Variants in TLX3 observed in about 807,000 individuals in gnomAD.
TLX3 encodes T-cell leukemia homeobox protein 3.
A neutral mutation model predicts 19.6 loss-of-function variants in TLX3; 11 were observed. That is an observed-to-expected ratio of 0.56 (90% CI 0.35 to 0.93). The LOEUF (loss-of-function observed/expected upper bound fraction) is 0.93. TLX3 is among the 40% of genes least tolerant of loss of function. The pLI, the probability that TLX3 is intolerant of heterozygous loss-of-function variation, is 0.01. For synonymous variants in TLX3, 221 were observed against 188.1 expected (o/e 1.17, Z -1.43); for missense variants, 375 against 418.6 (o/e 0.90, Z 0.91).
Position 171,311,330 on chromosome 5 carries a change from CG to C in TLX3, c.666-57del. ...GCTCCCGGGAGGGCCGGGGCCCCGC[CG>C]GCGGCCCCGCGGTGCCGGGTGCATG... On this transcript the variant is annotated intron_variant, in intron 2 of 2. Coordinates refer to ENST00000296921, the MANE Select transcript of TLX3 (RefSeq NM_021025.4). This position sits in a 1 kb window ranked among gnomAD's most constrained non-coding sequence, Gnocchi z 5.1. 6.8e-7 allele frequency: 1 copy of C among 1,470,392 alleles called. No individual in the cohort carries two copies. The highest frequency in any genetic ancestry group is 1.3e-5 in the South Asian group (1 of 74,718). 91.1% of individuals were successfully genotyped at this position (1,470,392 alleles called of 1,614,324 possible).
rs180917240 is a variant in TLX3, at chr5:171,310,854, C to G, written c.665+461C>G. Among the ~76,000 whole-genome samples the G allele has an allele frequency of 7.1e-3, 1,083 of 152,172 alleles. 14 individuals carry two copies. The highest frequency in any genetic ancestry group is 0.024 in the African/African-American group (980 of 41,552). ...TCGTGGACGCCGGTTTCCTCTCCCC[C>G]CATCTCCGCGTCTCCATTCCAGCCG... is the stretch of plus-strand genomic sequence containing the variant. On this transcript the variant is annotated intron_variant, in intron 2 of 2. Transcript: ENST00000296921.
chr5:171,311,814 C>T lies in TLX3; in HGVS notation c.*215C>T, dbSNP rs896171799. 1.1e-5 allele frequency: 4 copies of T among 378,924 alleles called. No individual in the cohort carries two copies. The highest frequency in any genetic ancestry group is 6.4e-5 in the African/African-American group (3 of 47,070). 23.5% of individuals were successfully genotyped at this position (378,924 alleles called of 1,614,324 possible). On this transcript the variant is annotated 3_prime_UTR_variant, in exon 3 of 3. Transcript: ENST00000296921. The surrounding 1 kb of genome is among the most constrained non-coding windows in gnomAD (Gnocchi z 5.1). Reference sequence around the variant, plus strand: ...ACAATCCGAGCCCCCGCCCCGCGCCCCGTCCCGCCCCAGGCCCGGGCCTGA... The same window carrying T: ...ACAATCCGAGCCCCCGCCCCGCGCCTCGTCCCGCCCCAGGCCCGGGCCTGA...
rs763478591 is a variant in TLX3, at chr5:171,309,762, C to G, written c.397C>G (p.Arg133Gly). Residue 133 changes from arginine (R) to glycine (G), a missense_variant, in exon 1 of 3, where the codon CGC becomes GGC. Coordinates refer to ENST00000296921, the MANE Select transcript of TLX3 (RefSeq NM_021025.4). The stretch of plus-strand genomic sequence containing the variant: ...TTTCCCCTGGATGGAGAGCAGCCGC[C>G]GCTTCGTGAAAGACCGCTTCACAGG... ...LNFPWMESSR[R>G]FVKDRFTAAA... 1.2e-6 allele frequency: 2 copies of G among 1,606,556 alleles called. No homozygotes were observed. Among genetic ancestry groups the G allele is most frequent in the Non-Finnish European group, 1.7e-6 (2 of 1,176,836 alleles).
rs942866019 is a variant in TLX3, at chr5:171,311,771, C to G, written c.*172C>G. ...GCGGGCCGCGGAAGGGGGTAGGGCC[C>G]GAGCTCCGCGCGGCCGCACAATCCG... On this transcript the variant is annotated 3_prime_UTR_variant, in exon 3 of 3. Coordinates refer to ENST00000296921, the MANE Select transcript of TLX3 (RefSeq NM_021025.4). This position sits in a 1 kb window ranked among gnomAD's most constrained non-coding sequence, Gnocchi z 5.1. 9 of 445,078 alleles carry G rather than the reference C, an allele frequency of 2.0e-5. No individual in the cohort carries two copies. The highest frequency in any genetic ancestry group is 3.1e-5 in the Non-Finnish European group (8 of 257,578). 27.6% of individuals were successfully genotyped at this position (445,078 alleles called of 1,614,324 possible). A position where few individuals can be genotyped will look rare whatever the true frequency, so the allele number is the denominator to read the frequency against.
Position 171,309,723 on chromosome 5 carries a change from C to G in TLX3, c.358C>G (p.Leu120Val). ...GCCCTCCGTGCCCACGGTCTCCAGC[C>G]TTGGCGGTCTCAATTTCCCCTGGAT... Reference protein sequence around the residue: ...AMPSVPTVSSLGGLNFPWMES... With the variant: ...AMPSVPTVSSVGGLNFPWMES... The change falls in exon 1 of 3, where the codon CTT (leucine) becomes GTT (valine). Residue 120 changes from leucine (L) to valine (V), a missense_variant. Transcript: ENST00000296921. 7 of 1,611,228 alleles carry G rather than the reference C, an allele frequency of 4.3e-6. No homozygotes were observed. The highest frequency in any genetic ancestry group is 5.9e-6 in the Non-Finnish European group (7 of 1,179,252).
chr5:171,309,327 T>TGCCCCCCCC lies in TLX3; in HGVS notation c.-39_-38insGCCCCCCCC. On this transcript the variant is annotated 5_prime_UTR_variant, in exon 1 of 3. Transcript: ENST00000296921. Reference sequence around the variant, plus strand: ...GCGCCGTAACGGGGACCCAGCCGCCTCCCCGCCCAGCCCAGCCCAGCCCTT... The same window carrying TGCCCCCCCC: ...GCGCCGTAACGGGGACCCAGCCGCCTGCCCCCCCCCCCCGCCCAGCCCAGCCCAGCCCTT... 22 of 976,976 alleles carry TGCCCCCCCC rather than the reference T, an allele frequency of 2.3e-5. No individual in the cohort carries two copies. Among genetic ancestry groups the TGCCCCCCCC allele is most frequent in the East Asian group, 5.6e-5 (2 of 35,738 alleles). The allele number at this position is 976,976 out of a possible 1,614,324, so 60.5% of individuals were successfully genotyped here. A position where few individuals can be genotyped will look rare whatever the true frequency, so the allele number is the denominator to read the frequency against.
intron 2 of TLX3, among the ~76,000 whole-genome samples, chr5:171,310,734 A>C (rs760125651): frequency 1.0e-5 from 1 of 99,548 alleles, no homozygotes; most frequent in African/African-American, 5.0e-5. Context: ...ACACACAGGC[A>C]CACACACACA....
Position 171,311,609 on chromosome 5 carries a change from C to T in TLX3, c.*10C>T. On this transcript the variant is annotated 3_prime_UTR_variant, in exon 3 of 3. Coordinates refer to ENST00000296921, the MANE Select transcript of TLX3 (RefSeq NM_021025.4). The surrounding 1 kb of genome is among the most constrained non-coding windows in gnomAD (Gnocchi z 5.1). ...CACCTCCCTGGTGTGAGCCCACCAG[C>T]GCGCACCGTCGCCACGGATCGCCGC... The T allele has an allele frequency of 6.3e-7, 1 of 1,590,252 alleles. No individual in the cohort carries two copies. The highest frequency in any genetic ancestry group is 8.6e-7 in the Non-Finnish European group (1 of 1,166,746).
chr5:171,309,670 C>G lies in TLX3; in HGVS notation c.305C>G (p.Pro102Arg), dbSNP rs1769185899. ...AGGCCGCTGCCCGGGGCCGTGCCAC[C>G]GCCTCTGCCAAGCGCGCTACCCGCC... The part of the protein sequence containing the change: ...AHRPLPGAVP[P>R]PLPSALPAMP... The change falls in exon 1 of 3, where the codon CCG becomes CGG. Residue 102 changes from proline to arginine, a missense_variant. This residue lies in a region of TLX3 where 239 missense variants were observed against 217.0 expected (regional missense o/e 1.10). Transcript: ENST00000296921. 1.2e-6 allele frequency: 2 copies of G among 1,608,810 alleles called. No homozygotes were observed. Among genetic ancestry groups the G allele is most frequent in the Admixed American group, 1.7e-5 (1 of 59,680 alleles).
chr5:171,310,461 C>T (rs1487829640), intron 2 of TLX3, 68 bp downstream of exon 2: 6 of 1,572,584 alleles, frequency 3.8e-6, no homozygotes, highest in Admixed American at 3.5e-5. Context: ...GCCGCAGCCT[C>T]GCACTAGCCC....
Position 171,309,442 on chromosome 5 carries a change from G to A in TLX3, c.77G>A (p.Ser26Asn), listed in dbSNP as rs1581210093. 3 of 1,604,924 alleles carry A rather than the reference G, an allele frequency of 1.9e-6. No individual in the cohort carries two copies. The highest frequency in any genetic ancestry group is 2.6e-6 in the Non-Finnish European group (3 of 1,176,176). The change falls in exon 1 of 3, where the codon AGC becomes AAC. Residue 26 changes from serine to asparagine, a missense_variant. Physicochemically the swap from Ser to Asn is conservative, Grantham distance 46 (BLOSUM62 1). This residue lies in a region of TLX3 where 239 missense variants were observed against 217.0 expected (regional missense o/e 1.10). Coordinates refer to ENST00000296921, the MANE Select transcript of TLX3 (RefSeq NM_021025.4). ...TTCGGCATCGACCAGATCCTTAACA[G>A]CCCGGACCAGGACAGCGCACCCGCC... is the stretch of plus-strand genomic sequence containing the variant. ...ISFGIDQILN[S>N]PDQDSAPAPR...
Position 171,311,237 on chromosome 5 carries a change from G to T in TLX3, c.666-152G>T. Reference sequence around the variant, plus strand: ...CCTAACCGGCTCCCTGGATATAAGAGCCTCGGGCGTAAAGCGCGGGCTGGG... The same window carrying T: ...CCTAACCGGCTCCCTGGATATAAGATCCTCGGGCGTAAAGCGCGGGCTGGG... On this transcript the variant is annotated intron_variant, in intron 2 of 2. Transcript: ENST00000296921. This position sits in a 1 kb window ranked among gnomAD's most constrained non-coding sequence, Gnocchi z 5.1. The T allele has an allele frequency of 1.6e-6, 1 of 634,164 alleles. No individual in the cohort carries two copies. Among genetic ancestry groups the T allele is most frequent in the East Asian group, 2.8e-5 (1 of 35,386 alleles). The allele number at this position is 634,164 out of a possible 1,614,324, so 39.3% of individuals were successfully genotyped here.
intron 1 of TLX3, 66 bp downstream of exon 1, chr5:171,309,852 T>A: frequency 6.8e-7 from 1 of 1,475,514 alleles, no homozygotes; most frequent in Non-Finnish European, 8.9e-7. Context: ...CCGCGCCCTG[T>A]GCGCTCCACT....
chr5:171,310,964 C>G (rs1045250664), intron 2 of TLX3, among the ~76,000 whole-genome samples: 3 of 152,054 alleles, frequency 2.0e-5, no homozygotes, highest in Admixed American at 1.3e-4. Context: ...AGGCCCTGGG[C>G]GAACTGGATG....
Position 171,311,185 on chromosome 5 carries a change from C to A in TLX3, c.666-204C>A, listed in dbSNP as rs1769212652. ...CGGGCAGAGTCCCCTCCTGGAGACC[C>A]TCTGGCACACAACAAAAACAAATGA... On this transcript the variant is annotated intron_variant, in intron 2 of 2. Coordinates refer to ENST00000296921, the MANE Select transcript of TLX3 (RefSeq NM_021025.4). This position sits in a 1 kb window ranked among gnomAD's most constrained non-coding sequence, Gnocchi z 5.1. 6.6e-6 allele frequency among the ~76,000 whole-genome samples: 1 copy of A among 152,204 alleles called. No individual in the cohort carries two copies. Among genetic ancestry groups the A allele is most frequent in the Non-Finnish European group, 1.5e-5 (1 of 68,034 alleles).
Position 171,309,614 on chromosome 5 carries a change from G to T in TLX3, c.249G>T (p.Ala83=), listed in dbSNP as rs370425875. ...CTTACAGTGTGAACCTGAGCCTAGC[G>T]CCCGCAGGCGTGATCCGGGTGCCGG... ...AGSYSVNLSL[A]PAGVIRVPAH... Residue 83 remains alanine (A), a synonymous_variant, in exon 1 of 3, where the codon GCG becomes GCT. Transcript: ENST00000296921. 1 of 1,606,886 alleles carries T rather than the reference G, an allele frequency of 6.2e-7. No individual in the cohort carries two copies. Among genetic ancestry groups the T allele is most frequent in the Non-Finnish European group, 8.5e-7 (1 of 1,177,572 alleles).
Position 171,309,327 on chromosome 5 carries a change from T to TAGCCCCCC in TLX3, c.-39_-38insAGCCCCCC. 1.0e-6 allele frequency: 1 copy of TAGCCCCCC among 976,978 alleles called. No homozygotes were observed. The highest frequency in any genetic ancestry group is 1.5e-6 in the Non-Finnish European group (1 of 668,410). 60.5% of individuals were successfully genotyped at this position (976,978 alleles called of 1,614,324 possible). A position where few individuals can be genotyped will look rare whatever the true frequency, so the allele number is the denominator to read the frequency against. ...GCGCCGTAACGGGGACCCAGCCGCC[T>TAGCCCCCC]CCCCGCCCAGCCCAGCCCAGCCCTT... is the stretch of plus-strand genomic sequence containing the variant. On this transcript the variant is annotated 5_prime_UTR_variant, in exon 1 of 3. Coordinates refer to ENST00000296921, the MANE Select transcript of TLX3 (RefSeq NM_021025.4).
At position 171,311,676 on chromosome 5, in the gene TLX3, G is replaced by A. The variant is rs1246592356; in HGVS notation, c.*77G>A. 4 of 1,187,054 alleles carry A rather than the reference G, an allele frequency of 3.4e-6. No homozygotes were observed. The highest frequency in any genetic ancestry group is 4.7e-6 in the Non-Finnish European group (4 of 852,976). The allele number at this position is 1,187,054 out of a possible 1,614,324, so 73.5% of individuals were successfully genotyped here. ...GCCCCGGACCCCCCAGGCGGGCTGCGGGGGAACCGGCGCCGAGAGGGGAAG... is the reference window on the plus strand; with the variant it reads ...GCCCCGGACCCCCCAGGCGGGCTGCAGGGGAACCGGCGCCGAGAGGGGAAG... On this transcript the variant is annotated 3_prime_UTR_variant, in exon 3 of 3. Coordinates refer to ENST00000296921, the MANE Select transcript of TLX3 (RefSeq NM_021025.4). This position sits in a 1 kb window ranked among gnomAD's most constrained non-coding sequence, Gnocchi z 5.1.
rs766946862 is a variant in TLX3, at chr5:171,311,668, C to G, written c.*69C>G. ...AGCCGGGCGCCCCGGACCCCCCAGGCGGGCTGCGGGGGAACCGGCGCCGAG... is the reference window on the plus strand; with the variant it reads ...AGCCGGGCGCCCCGGACCCCCCAGGGGGGCTGCGGGGGAACCGGCGCCGAG... On this transcript the variant is annotated 3_prime_UTR_variant, in exon 3 of 3. Transcript: ENST00000296921. The surrounding 1 kb of genome is among the most constrained non-coding windows in gnomAD (Gnocchi z 5.1). The G allele has an allele frequency of 5.8e-5, 74 of 1,274,490 alleles. No homozygotes were observed. The highest frequency in any genetic ancestry group is 7.7e-5 in the Non-Finnish European group (71 of 922,468). The allele number at this position is 1,274,490 out of a possible 1,614,324, so 78.9% of individuals were successfully genotyped here.
Sources: gnomAD v4.1 joint callset for allele counts (sites outside exome capture counted in the v4.1 genomes callset) on GRCh38, gnomAD v4.1.1 for gene constraint, gnomAD v4.1.1 regional missense constraint, Gnocchi (gnomAD v3.1) non-coding constraint, MANE v1.5 for transcripts, NCBI Gene and HGNC (gene_info 2026-07-23, HGNC 2026-07-21) for gene names.